Variants in ASIC2 observed in about 807,000 individuals in gnomAD.
ASIC2 encodes acid sensing ion channel subunit 2, also known as acid-sensing ion channel 2.
Under a neutral mutation model 57.3 loss-of-function variants are expected in ASIC2, and 25 were observed. The observed-to-expected ratio is 0.44, with a 90% CI of 0.32 to 0.61. ASIC2 has a LOEUF of 0.61. Ranked by LOEUF, ASIC2 falls within the 20% of genes least tolerant of loss-of-function variation. ASIC2 has a pLI of 0.06. For synonymous variants in ASIC2, 319 were observed against 307.5 expected (o/e 1.04, Z -0.39); for missense variants, 641 against 738.1 (o/e 0.87, Z 1.52).
At chr17:33,167,457 G>A (rs779922737) in intron 1 of ASIC2, among the ~76,000 whole-genome samples, 20 of 151,976 alleles carry the variant, frequency 1.3e-4, no homozygotes, top group African/African-American at 2.4e-4. Flanking sequence ...GATCATTGTC[G>A]CAGCCTTTGA....
At chr17:34,034,072 A>G (rs1225335562) in intron 1 of ASIC2, among the ~76,000 whole-genome samples, 1 of 152,246 alleles carries the variant, frequency 6.6e-6, no homozygotes, top group Non-Finnish European at 1.5e-5. Context: ...AGAGAATTTT[A>G]GACCAATATC....
At chr17:34,044,126 G>GCA (rs1479975393) in intron 1 of ASIC2, among the ~76,000 whole-genome samples, 1,449 of 51,702 alleles carry the variant, frequency 0.028, 24 homozygotes, top group African/African-American at 0.19. Flanking sequence ...ACACACACAC[G>GCA]CACGCACACA....
chr17:33,586,760 T>A (rs1417258166), intron 1 of ASIC2, among the ~76,000 whole-genome samples: 1 of 152,208 alleles, frequency 6.6e-6, no homozygotes, highest in Non-Finnish European at 1.5e-5. Flanking sequence ...ACTGGCTCCA[T>A]CCCTTTCACT....
chr17:33,516,885 C>T (rs180840287), intron 1 of ASIC2, among the ~76,000 whole-genome samples: 13 of 152,288 alleles, frequency 8.5e-5, no homozygotes, highest in Admixed American at 7.2e-4. Flanking sequence ...TTTCAATAGA[C>T]AATGGACTGC....
intron 1 of ASIC2, among the ~76,000 whole-genome samples, chr17:33,694,533 A>G (rs1315361970): frequency 6.6e-6 from 1 of 152,188 alleles, no homozygotes; most frequent in African/African-American, 2.4e-5. Context: ...CTCATAGCCA[A>G]ATCCAAGCCA....
intron 1 of ASIC2, among the ~76,000 whole-genome samples, chr17:33,910,267 A>T (rs1915433851): frequency 6.6e-6 from 1 of 152,158 alleles, no homozygotes; most frequent in African/African-American, 2.4e-5. Flanking sequence ...TTTATTGAGC[A>T]CTCACTGTGT....
chr17:33,717,084 T>C (rs537414295), intron 1 of ASIC2, among the ~76,000 whole-genome samples: 1 of 152,288 alleles, frequency 6.6e-6, no homozygotes, highest in African/African-American at 2.4e-5. Flanking sequence ...CTGGAATCAT[T>C]TGGACAGACG....
chr17:33,496,603 G>GTTTTTTTTTTTTT, intron 1 of ASIC2, among the ~76,000 whole-genome samples: 2 of 70,980 alleles, frequency 2.8e-5, no homozygotes, highest in Non-Finnish European at 4.9e-5. Context: ...GTTATTGTAG[G>GTTTTTTTTTTTTT]TTTTTTTTTT....
At chr17:33,366,691 T>C (rs924846) in intron 1 of ASIC2, among the ~76,000 whole-genome samples, 150,268 of 152,358 alleles carry the variant, frequency 0.99, 74,121 homozygotes, top group Middle Eastern at 1. Flanking sequence ...AGATTCTTAT[T>C]GCTGTATCTA....
At chr17:33,088,252 G>A (rs1447580422) in intron 3 of ASIC2, among the ~76,000 whole-genome samples, 4 of 152,204 alleles carry the variant, frequency 2.6e-5, no homozygotes, top group Non-Finnish European at 5.9e-5. Flanking sequence ...CCTCCTTACT[G>A]AGAGTTTGCG....
At chr17:33,232,503 T>TGGTAC (rs74843394) in intron 1 of ASIC2, among the ~76,000 whole-genome samples, 20,652 of 133,254 alleles carry the variant, frequency 0.15, 2,331 homozygotes, top group Middle Eastern at 0.2. Flanking sequence ...TGGTACGGTA[T>TGGTAC]GGTATGGTAT....
At chr17:34,153,955 G>A (rs979158467) in intron 1 of ASIC2, among the ~76,000 whole-genome samples, 4 of 152,154 alleles carry the variant, frequency 2.6e-5, no homozygotes, top group African/African-American at 9.7e-5. Flanking sequence ...GTAAAAAGAT[G>A]GTCCAAGTAT....
At chr17:34,046,604 T>C (rs1349984752) in intron 1 of ASIC2, among the ~76,000 whole-genome samples, 2 of 152,184 alleles carry the variant, frequency 1.3e-5, no homozygotes, top group Non-Finnish European at 2.9e-5. Context: ...CTTATTTCCA[T>C]GCTGCCCTCC....
intron 1 of ASIC2, among the ~76,000 whole-genome samples, chr17:34,151,637 G>T (rs73284215): frequency 0.028 from 4,270 of 152,164 alleles, 203 homozygotes; most frequent in African/African-American, 0.098. Flanking sequence ...AAAAGTGAAA[G>T]CTTAATATAT....
intron 1 of ASIC2, among the ~76,000 whole-genome samples, chr17:33,320,035 T>C (rs1164619244): frequency 6.6e-6 from 1 of 151,856 alleles, no homozygotes; most frequent in African/African-American, 2.4e-5. Flanking sequence ...CAACCTGGGA[T>C]GAATCCCTGG....
chr17:33,472,386 G>A (rs181677713), intron 1 of ASIC2, among the ~76,000 whole-genome samples: 60 of 152,262 alleles, frequency 3.9e-4, no homozygotes, highest in Middle Eastern at 6.8e-3. Context: ...CATTGTGTAA[G>A]TTACCATTTT....
intron 1 of ASIC2, among the ~76,000 whole-genome samples, chr17:33,422,734 G>A (rs1310410270): frequency 6.6e-6 from 1 of 152,148 alleles, no homozygotes; most frequent in African/African-American, 2.4e-5. Flanking sequence ...CACAGGTGCT[G>A]ATCTCCACAC....
At chr17:34,035,527 C>G (rs959601530) in intron 1 of ASIC2, among the ~76,000 whole-genome samples, 45 of 151,358 alleles carry the variant, frequency 3.0e-4, no homozygotes, top group South Asian at 2.1e-3. Flanking sequence ...CCAAAATTGA[C>G]AAATGGGATC....
chr17:34,003,920 T>C (rs572734522), intron 1 of ASIC2: 1 of 152,302 alleles, frequency 6.6e-6, no homozygotes, highest in Admixed American at 6.5e-5. Flanking sequence ...TGGCTTCCTT[T>C]TTTCTGCCCA....
Sources: gnomAD v4.1 joint callset for allele counts (sites outside exome capture counted in the v4.1 genomes callset) on GRCh38, gnomAD v4.1.1 for gene constraint, MANE v1.5 for transcripts, NCBI Gene and HGNC (gene_info 2026-07-23, HGNC 2026-07-21) for gene names.